EBF3: variants seen among roughly 807,000 people sequenced by gnomAD.
EBF3 encodes EBF transcription factor 3, also known as transcription factor COE3.
In EBF3, 18 loss-of-function variants were observed where a neutral mutation model predicts 77.1. That is an observed-to-expected ratio of 0.23 (90% CI 0.16 to 0.35). EBF3 has a LOEUF of 0.35. Among genes scored for constraint, EBF3 ranks in the 10% least tolerant of loss-of-function variants. EBF3 has a pLI of 1.00. For missense variants in EBF3, 558 were observed against 860.0 expected, an observed-to-expected ratio of 0.65 and a Z score of 4.39; for synonymous variants, 350 against 343.5, an observed-to-expected ratio of 1.02 and a Z score of -0.21.
chr10:129,923,915 T>C (rs1171926499), intron 6 of EBF3, among the ~76,000 whole-genome samples: 3 of 152,204 alleles, frequency 2.0e-5, no homozygotes, highest in African/African-American at 7.2e-5. Context: ...TTATCCAGAA[T>C]ATAGAGAGAA....
intron 6 of EBF3, among the ~76,000 whole-genome samples, chr10:129,930,548 C>A (rs575238778): frequency 2.9e-5 from 4 of 137,184 alleles, no homozygotes; most frequent in Non-Finnish European, 1.6e-5. Context: ...CTCTCATATA[C>A]CTATATCTAT....
intron 6 of EBF3, among the ~76,000 whole-genome samples, chr10:129,905,602 G>A (rs1855088106): frequency 6.6e-6 from 1 of 152,140 alleles, no homozygotes; most frequent in Non-Finnish European, 1.5e-5. Flanking sequence ...CCCACTCCAT[G>A]AAGAAGTAGG....
chr10:129,842,781 A>AAG lies in EBF3; in HGVS notation c.1194+355_1194+356insCT, dbSNP rs397808025. On this transcript the variant is annotated intron_variant, in intron 12 of 16. Transcript: ENST00000440978. This position sits in a 1 kb window ranked among gnomAD's most constrained non-coding sequence, Gnocchi z 4.4. ...CCTGTCTAAAAAAAAAAAAAAAAAA[A>AAG]GGGAGCAACATTTGCTGTGTTCTGT... Among the ~76,000 whole-genome samples the AAG allele has an allele frequency of 6.7e-6, 1 of 148,728 alleles. No individual in the cohort carries two copies. The highest frequency in any genetic ancestry group is 1.5e-5 in the Non-Finnish European group (1 of 67,024).
Position 129,957,308 on chromosome 10 carries a change from T to C in EBF3, c.504A>G (p.Lys168=). 6.2e-7 allele frequency: 1 copy of C among 1,609,990 alleles called. No homozygotes were observed. The change falls in exon 6 of 17, where the codon AAA becomes AAG. Residue 168 remains lysine, a synonymous_variant. Transcript: ENST00000440978. ...GCGTTTCGTTTCTATTGCCACAACT[T>C]TTCTTGTCACAGCACCGGCTGTGGA... ...EIMCSRCCDK[K]SCGNRNETPS...
chr10:129,893,951 G>A (rs1283713567), intron 6 of EBF3, among the ~76,000 whole-genome samples: 2 of 152,158 alleles, frequency 1.3e-5, no homozygotes, highest in African/African-American at 4.8e-5. Flanking sequence ...CTCCGTTTGG[G>A]GTGAACAAAG....
intron 14 of EBF3, 63 bp from the exon 15 acceptor site, chr10:129,840,505 C>A: frequency 6.6e-7 from 1 of 1,512,616 alleles, no homozygotes; most frequent in South Asian, 1.2e-5. Flanking sequence ...CGAGAGGGCA[C>A]CAAAGGCCTC....
chr10:129,958,447 G>C (rs1157461242), intron 5 of EBF3, among the ~76,000 whole-genome samples: 1 of 152,164 alleles, frequency 6.6e-6, no homozygotes, highest in Non-Finnish European at 1.5e-5. Flanking sequence ...ATCTAACAAC[G>C]ACACGAACGC....
At chr10:129,877,347 G>C (rs540836418) in intron 7 of EBF3, among the ~76,000 whole-genome samples, 1 of 151,882 alleles carries the variant, frequency 6.6e-6, no homozygotes, top group South Asian at 2.1e-4. Context: ...TGGGTGTGGT[G>C]GTGTGCGCCT....
intron 6 of EBF3, among the ~76,000 whole-genome samples, chr10:129,883,317 C>G (rs1028910649): frequency 1.3e-5 from 2 of 152,232 alleles, no homozygotes; most frequent in Non-Finnish European, 2.9e-5. Flanking sequence ...AGAGCTCTGG[C>G]TCTTAGCACA....
At chr10:129,953,764 G>A (rs781116630) in intron 6 of EBF3, among the ~76,000 whole-genome samples, 5 of 152,198 alleles carry the variant, frequency 3.3e-5, no homozygotes, top group Non-Finnish European at 7.3e-5. Context: ...CCCAGCCCAA[G>A]CAAGGAGGGG....
At chr10:129,926,057 C>G (rs976258152) in intron 6 of EBF3, among the ~76,000 whole-genome samples, 24 of 152,342 alleles carry the variant, frequency 1.6e-4, no homozygotes, top group African/African-American at 5.1e-4. Flanking sequence ...TGAGAGACAT[C>G]TGAGGACAGG....
At position 129,840,873 on chromosome 10, in the gene EBF3, T is replaced by G; in HGVS notation, c.1532A>C (p.Asn511Thr). 6.2e-7 allele frequency: 1 copy of G among 1,613,794 alleles called. No homozygotes were observed. Among genetic ancestry groups the G allele is most frequent in the Non-Finnish European group, 8.5e-7 (1 of 1,179,868 alleles). Residue 511 changes from asparagine (N) to threonine (T), a missense_variant, in exon 14 of 17, where the codon AAT becomes ACT. By Grantham distance (65) the Asn-to-Thr change is moderately conservative. Around this residue, in one of 5 missense-constraint regions of EBF3, gnomAD observed 284 missense variants for 368.3 expected, o/e 0.77. Coordinates refer to ENST00000440978, the MANE Select transcript of EBF3 (RefSeq NM_001375380.1). ...LGVPGSPGFLNGSSANSPYGI... is the reference protein window; with the variant it reads ...LGVPGSPGFLTGSSANSPYGI... ...GTAGGGAGAGTTAGCGGAGGAGCCA[T>G]TAAGAAATCCAGGCGAGCCAGGGAC...
At chr10:129,936,066 G>T (rs1040259231) in intron 6 of EBF3, among the ~76,000 whole-genome samples, 1 of 152,174 alleles carries the variant, frequency 6.6e-6, no homozygotes, top group Non-Finnish European at 1.5e-5. Context: ...GTGCAGAGCA[G>T]CCACATCAAT....
In EBF3 at chr10:129,943,910, T is replaced by G. The variant is rs1857982590; in HGVS notation, c.554+13348A>C. On this transcript the variant is annotated intron_variant, in intron 6 of 16. Coordinates refer to ENST00000440978, the MANE Select transcript of EBF3 (RefSeq NM_001375380.1). The surrounding 1 kb of genome is among the most constrained non-coding windows in gnomAD (Gnocchi z 8.8). ...CGCAGACCCAGCTGAAACCGTAAAA[T>G]GCTCGGTAAAACCAGTCGCTCTGAG... 6.6e-6 allele frequency among the ~76,000 whole-genome samples: 1 copy of G among 152,192 alleles called. No individual in the cohort carries two copies. Among genetic ancestry groups the G allele is most frequent in the Non-Finnish European group, 1.5e-5 (1 of 68,044 alleles).
At chr10:129,888,111 C>T (rs1378701161) in intron 6 of EBF3, among the ~76,000 whole-genome samples, 1 of 152,204 alleles carries the variant, frequency 6.6e-6, no homozygotes, top group Non-Finnish European at 1.5e-5. Context: ...TCGTTGTCCT[C>T]GATGGAACGT....
At chr10:129,921,827 A>G (rs1202367269) in intron 6 of EBF3, among the ~76,000 whole-genome samples, 2 of 152,164 alleles carry the variant, frequency 1.3e-5, no homozygotes, top group Admixed American at 6.5e-5. Flanking sequence ...CTGAGGCCTC[A>G]AACACGAAGG....
chr10:129,923,622 A>G (rs946653751), intron 6 of EBF3, among the ~76,000 whole-genome samples: 1 of 152,224 alleles, frequency 6.6e-6, no homozygotes, highest in African/African-American at 2.4e-5. Context: ...ACACATATAT[A>G]ACAACATATA....
rs887729135 is a variant in EBF3, at chr10:129,879,939, G to A, written c.555-2090C>T. Among the ~76,000 whole-genome samples the A allele has an allele frequency of 2.0e-5, 3 of 152,100 alleles. No individual in the cohort carries two copies. Among genetic ancestry groups the A allele is most frequent in the Non-Finnish European group, 4.4e-5 (3 of 68,024 alleles). On this transcript the variant is annotated intron_variant, in intron 6 of 16. Coordinates refer to ENST00000440978, the MANE Select transcript of EBF3 (RefSeq NM_001375380.1). This position sits in a 1 kb window ranked among gnomAD's most constrained non-coding sequence, Gnocchi z 4.7. ...CACCCAGCTAATCTTCGGAGCAGGC[G>A]CCGGCCCGAGAAGCTGCTCATCTGC... is the stretch of plus-strand genomic sequence containing the variant.
intron 10 of EBF3, among the ~76,000 whole-genome samples, chr10:129,857,790 A>G (rs978847191): frequency 1.3e-5 from 2 of 152,124 alleles, no homozygotes. Flanking sequence ...TACCCCCACC[A>G]TGAGCGCCTA....
Sources: gnomAD v4.1 joint callset for allele counts (sites outside exome capture counted in the v4.1 genomes callset) on GRCh38, gnomAD v4.1.1 for gene constraint, gnomAD v4.1.1 regional missense constraint, Gnocchi (gnomAD v3.1) non-coding constraint, MANE v1.5 for transcripts, NCBI Gene and HGNC (gene_info 2026-07-23, HGNC 2026-07-21) for gene names.